Variants in CDH19 observed in about 807,000 individuals in gnomAD.
CDH19 encodes cadherin 19.
CDH19 carries 67 observed loss-of-function variants against 64.2 expected under a neutral mutation model. The observed-to-expected ratio is 1.04, with a 90% CI of 0.86 to 1.28. The LOEUF (loss-of-function observed/expected upper bound fraction) is 1.28. CDH19 is among the 50% of genes most tolerant of loss of function. CDH19 has a pLI of 0.00. For missense variants in CDH19, 1,030 were observed against 929.0 expected, an observed-to-expected ratio of 1.11 and a Z score of -1.41; for synonymous variants, 346 against 319.3, an observed-to-expected ratio of 1.08 and a Z score of -0.89.
chr18:66,544,489 TTAAGA>T (rs1329646856), intron 6 of CDH19, among the ~76,000 whole-genome samples: 1 of 152,104 alleles, frequency 6.6e-6, no homozygotes, highest in African/African-American at 2.4e-5. Flanking sequence ...TTCCTAGTAT[TTAAGA>T]TATTTTCCAA....
At chr18:66,560,917 G>C (rs2144545941) in intron 3 of CDH19, among the ~76,000 whole-genome samples, 1 of 151,994 alleles carries the variant, frequency 6.6e-6, no homozygotes, top group Admixed American at 6.6e-5. Flanking sequence ...ACTGGAAATA[G>C]GTATTTCTAA....
chr18:66,566,422 T>C lies in CDH19; in HGVS notation c.490+1994A>G, dbSNP rs1987914467. Among the ~76,000 whole-genome samples the C allele has an allele frequency of 2.0e-5, 3 of 151,848 alleles. No individual in the cohort carries two copies. The East Asian group carries it at 5.8e-4, about 30-fold the overall frequency. On this transcript the variant is annotated intron_variant, in intron 3 of 11. Coordinates refer to ENST00000262150, the MANE Select transcript of CDH19 (RefSeq NM_021153.4). Reference sequence around the variant, plus strand: ...CCTTTCTTAAAAAACAATTGAATAGTCATAAACAAGCAAAAAGTCCTCTTG... The same window carrying C: ...CCTTTCTTAAAAAACAATTGAATAGCCATAAACAAGCAAAAAGTCCTCTTG...
intron 9 of CDH19, among the ~76,000 whole-genome samples, chr18:66,515,921 T>C (rs966658271): frequency 6.6e-6 from 1 of 151,892 alleles, no homozygotes; most frequent in Non-Finnish European, 1.5e-5. Context: ...AGTTAGTCTC[T>C]GTCACCACTG....
At chr18:66,576,816 T>A (rs1391370681) in intron 1 of CDH19, among the ~76,000 whole-genome samples, 1 of 151,480 alleles carries the variant, frequency 6.6e-6, no homozygotes, top group Admixed American at 6.6e-5. Flanking sequence ...ATATAGAAAA[T>A]CTTATGAAAT....
chr18:66,539,709 G>A (rs1307531827), intron 7 of CDH19, among the ~76,000 whole-genome samples: 1 of 151,980 alleles, frequency 6.6e-6, no homozygotes, highest in Admixed American at 6.6e-5. Flanking sequence ...GAGGGATATT[G>A]ATCTGTAGTT....
At position 66,552,998 on chromosome 18, in the gene CDH19, C is replaced by G. The variant is rs1011539233; in HGVS notation, c.610+1407G>C. Among the ~76,000 whole-genome samples the G allele has an allele frequency of 3.0e-5, 4 of 134,098 alleles. 1 individual carries two copies. Among genetic ancestry groups the G allele is most frequent in the Admixed American group, 1.4e-4 (2 of 13,838 alleles). 88.0% of individuals were successfully genotyped at this position (134,098 alleles called of 152,430 possible). On this transcript the variant is annotated intron_variant, in intron 4 of 11. Coordinates refer to ENST00000262150, the MANE Select transcript of CDH19 (RefSeq NM_021153.4). Reference sequence around the variant, plus strand: ...CTGAAATCATCTTCCACTCTCCCTTCCTTGTCTACAGACTCAGCTAAACTT... The same window carrying G: ...CTGAAATCATCTTCCACTCTCCCTTGCTTGTCTACAGACTCAGCTAAACTT...
chr18:66,572,725 A>G lies in CDH19; in HGVS notation c.-112-409T>C, dbSNP rs1988144462. Among the ~76,000 whole-genome samples the G allele has an allele frequency of 2.0e-5, 3 of 151,798 alleles. No individual in the cohort carries two copies. In the East Asian group the frequency reaches 5.8e-4, roughly 29 times the overall value. On this transcript the variant is annotated intron_variant, in intron 1 of 11. Coordinates refer to ENST00000262150, the MANE Select transcript of CDH19 (RefSeq NM_021153.4). ...AAAAAGTCTTATTTTTCCTTTTTAT[A>G]TTTGATAGAGATAAGCTTCCTCATC...
chr18:66,582,658 A>AAAAAAG (rs1362643108), intron 1 of CDH19, among the ~76,000 whole-genome samples: 10 of 150,958 alleles, frequency 6.6e-5, no homozygotes, highest in Admixed American at 4.6e-4. Context: ...AAAAAAAAAA[A>AAAAAAG]AAAAGCCCTC....
At chr18:66,583,289 A>T (rs1988478998) in intron 1 of CDH19, among the ~76,000 whole-genome samples, 1 of 152,082 alleles carries the variant, frequency 6.6e-6, no homozygotes, top group Non-Finnish European at 1.5e-5. Context: ...GGGCATCTGA[A>T]ATTTATAGGG....
chr18:66,515,397 A>ACATCTGTT (rs1985691669), intron 9 of CDH19, among the ~76,000 whole-genome samples: 1 of 151,810 alleles, frequency 6.6e-6, no homozygotes, highest in Admixed American at 6.6e-5. Context: ...AAGGTGTTGA[A>ACATCTGTT]CATCTGTTCA....
At chr18:66,547,661 G>GTTTTTTTTTTTTTTTTTTTTTTTTTTT (rs71169155) in intron 5 of CDH19, among the ~76,000 whole-genome samples, 1 of 80,146 alleles carries the variant, frequency 1.2e-5, no homozygotes, top group African/African-American at 4.9e-5. Context: ...TGTGTGTTAG[G>GTTTTTTTTTTTTTTTTTTTTTTTTTTT]TTTTTTTTTT....
intron 1 of CDH19, among the ~76,000 whole-genome samples, chr18:66,602,894 T>C (rs1989072062): frequency 6.6e-6 from 1 of 151,638 alleles, no homozygotes; most frequent in African/African-American, 2.4e-5. Flanking sequence ...AAATCAAAAA[T>C]TATAGTAAGT....
At chr18:66,601,581 T>C (rs1224302382) in intron 1 of CDH19, among the ~76,000 whole-genome samples, 1 of 152,020 alleles carries the variant, frequency 6.6e-6, no homozygotes, top group African/African-American at 2.4e-5. Flanking sequence ...TTTGCTTTAA[T>C]CTTAAGACAT....
At chr18:66,547,649 AGTGT>A (rs1188463133) in intron 5 of CDH19, among the ~76,000 whole-genome samples, 1 of 145,556 alleles carries the variant, frequency 6.9e-6, no homozygotes, top group African/African-American at 2.5e-5. Context: ...AGTTCAGTTA[AGTGT>A]GTGTTAGGTT....
chr18:66,505,994 C>T (rs1277922447), intron 11 of CDH19, among the ~76,000 whole-genome samples: 2 of 151,894 alleles, frequency 1.3e-5, no homozygotes, highest in East Asian at 3.9e-4. Context: ...ACTGTTCAGT[C>T]ACCAACAGTG....
chr18:66,519,092 T>C (rs561701094), intron 9 of CDH19, among the ~76,000 whole-genome samples: 1 of 152,300 alleles, frequency 6.6e-6, no homozygotes, highest in East Asian at 1.9e-4. Context: ...ACTTTGTTAA[T>C]TCGACTCCCC....
chr18:66,527,414 T>C (rs189203238), intron 9 of CDH19, among the ~76,000 whole-genome samples: 3 of 152,196 alleles, frequency 2.0e-5, no homozygotes, highest in Non-Finnish European at 4.4e-5. Context: ...GAATCTCTGC[T>C]GTCATAAATC....
intron 7 of CDH19, among the ~76,000 whole-genome samples, chr18:66,535,851 T>C (rs926576877): frequency 8.2e-5 from 12 of 147,236 alleles, no homozygotes; most frequent in African/African-American, 2.9e-4. Context: ...ACAATATATG[T>C]ATGTATATAT....
In CDH19 at chr18:66,502,134, G is replaced by C. The variant is rs1328421401; in HGVS notation, c.*2678C>G. The C allele has an allele frequency of 5.9e-5, 9 of 152,182 alleles. No individual in the cohort carries two copies. The highest frequency in any genetic ancestry group is 2.2e-4 in the African/African-American group (9 of 41,552). 9.4% of individuals were successfully genotyped at this position (152,182 alleles called of 1,614,324 possible). On this transcript the variant is annotated 3_prime_UTR_variant, in exon 12 of 12. Coordinates refer to ENST00000262150, the MANE Select transcript of CDH19 (RefSeq NM_021153.4). ...AGAGCTGTGTTCTTGCAACACCCAT[G>C]TGATGCAAAACATAAAATAATTATT... is the stretch of plus-strand genomic sequence containing the variant.
Sources: allele counts gnomAD v4.1 joint callset (sites outside exome capture counted in the v4.1 genomes callset), GRCh38; gene constraint gnomAD v4.1.1; transcripts MANE v1.5; gene names NCBI Gene and HGNC (gene_info 2026-07-23, HGNC 2026-07-21).